The following NKAIN2 variants were observed in gnomAD, a reference collection of about 807,000 sequenced individuals.
The protein encoded by NKAIN2 is sodium/potassium-transporting ATPase subunit beta-1-interacting protein 2.
A neutral mutation model predicts 32.6 loss-of-function variants in NKAIN2; 14 were observed. The ratio of observed to expected loss-of-function variants is 0.43; its 90% CI spans 0.28 to 0.67. NKAIN2 has a LOEUF of 0.67. Among genes scored for constraint, NKAIN2 ranks in the 30% least tolerant of loss-of-function variants. NKAIN2 has a pLI of 0.17. For synonymous variants in NKAIN2, 80 were observed against 87.2 expected, an observed-to-expected ratio of 0.92 and a Z score of 0.46; for missense variants, 198 against 258.3, an observed-to-expected ratio of 0.77 and a Z score of 1.60.
chr6:124,668,356 C>T (rs1583613869), intron 4 of NKAIN2, among the ~76,000 whole-genome samples: 3 of 152,000 alleles, frequency 2.0e-5, no homozygotes, highest in South Asian at 4.1e-4. Flanking sequence ...ATGAGTTATT[C>T]CATTCTCCTT....
intron 3 of NKAIN2, among the ~76,000 whole-genome samples, chr6:124,360,382 CAG>C (rs1297913937): frequency 1.3e-5 from 2 of 152,002 alleles, no homozygotes; most frequent in African/African-American, 4.8e-5. Context: ...ATGAGTGAAA[CAG>C]AAATTATAGT....
At chr6:124,205,915 T>C (rs1790855746) in intron 1 of NKAIN2, among the ~76,000 whole-genome samples, 1 of 152,066 alleles carries the variant, frequency 6.6e-6, no homozygotes, top group South Asian at 2.1e-4. Context: ...TTATCCGTAA[T>C]ATACCTTAGT....
In NKAIN2 at chr6:123,984,068, C is replaced by T. The variant is rs563642676; in HGVS notation, c.54+179814C>T. ...GGTTACAGGCATGTGCCACCACACCCGGCTAATTTTGTATTTTTAGTAGAG... is the reference window on the plus strand; with the variant it reads ...GGTTACAGGCATGTGCCACCACACCTGGCTAATTTTGTATTTTTAGTAGAG... On this transcript the variant is annotated intron_variant, in intron 1 of 6. Transcript: ENST00000368417. 1.1e-4 allele frequency among the ~76,000 whole-genome samples: 17 copies of T among 152,124 alleles called. No individual in the cohort carries two copies. The South Asian group carries it at 3.1e-3, about 28-fold the overall frequency.
intron 4 of NKAIN2, among the ~76,000 whole-genome samples, chr6:124,761,800 T>C (rs76543758): frequency 9.1e-4 from 138 of 152,302 alleles, no homozygotes; most frequent in African/African-American, 3.1e-3. Flanking sequence ...GAAAAACTTA[T>C]ATTAATAACC....
chr6:123,865,384 TA>T (rs1775942455), intron 1 of NKAIN2, among the ~76,000 whole-genome samples: 1 of 152,148 alleles, frequency 6.6e-6, no homozygotes, highest in Non-Finnish European at 1.5e-5. Flanking sequence ...AGTCTTGATG[TA>T]AAGACAACTC....
chr6:123,970,364 T>TA, intron 1 of NKAIN2, among the ~76,000 whole-genome samples: 1 of 152,062 alleles, frequency 6.6e-6, no homozygotes, highest in Non-Finnish European at 1.5e-5. Context: ...TCACTGAAAA[T>TA]AAATTTAAAG....
intron 1 of NKAIN2, among the ~76,000 whole-genome samples, chr6:124,202,022 A>G (rs1182577668): frequency 6.6e-6 from 1 of 151,942 alleles, no homozygotes; most frequent in Non-Finnish European, 1.5e-5. Flanking sequence ...TTCTCAGACT[A>G]CCTGTAAAAG....
At chr6:124,428,313 C>T (rs571574266) in intron 3 of NKAIN2, among the ~76,000 whole-genome samples, 9 of 152,104 alleles carry the variant, frequency 5.9e-5, no homozygotes, top group Non-Finnish European at 1.3e-4. Context: ...TGTTTCACCC[C>T]AACCCCAGAT....
At chr6:124,411,489 T>G (rs1312957569) in intron 3 of NKAIN2, among the ~76,000 whole-genome samples, 2 of 152,236 alleles carry the variant, frequency 1.3e-5, no homozygotes, top group East Asian at 3.9e-4. Flanking sequence ...TTCTTTTCTT[T>G]AAGAATGCTG....
chr6:124,492,268 G>A (rs1202140977), intron 3 of NKAIN2, among the ~76,000 whole-genome samples: 1 of 151,838 alleles, frequency 6.6e-6, no homozygotes, highest in Non-Finnish European at 1.5e-5. Context: ...AGAAAATTTT[G>A]TGTTGATACT....
chr6:124,714,441 A>C (rs1440123895), intron 4 of NKAIN2, among the ~76,000 whole-genome samples: 1 of 152,228 alleles, frequency 6.6e-6, no homozygotes, highest in Non-Finnish European at 1.5e-5. Context: ...AATCCACTTC[A>C]TGCTTGGAGC....
chr6:124,515,886 C>A, intron 3 of NKAIN2, among the ~76,000 whole-genome samples: 1 of 152,156 alleles, frequency 6.6e-6, no homozygotes, highest in East Asian at 1.9e-4. Flanking sequence ...ATCTGATAAC[C>A]TCCTTCTACC....
intron 1 of NKAIN2, among the ~76,000 whole-genome samples, chr6:123,973,997 CA>C (rs1398999891): frequency 6.6e-6 from 1 of 151,956 alleles, no homozygotes; most frequent in African/African-American, 2.4e-5. Flanking sequence ...GGCTCAAAGA[CA>C]CGAAACTTTT....
chr6:124,298,548 C>G (rs544010215), intron 2 of NKAIN2, among the ~76,000 whole-genome samples: 1 of 152,284 alleles, frequency 6.6e-6, no homozygotes, highest in African/African-American at 2.4e-5. Context: ...TACCTGTCAA[C>G]AGCTCTATTT....
intron 3 of NKAIN2, among the ~76,000 whole-genome samples, chr6:124,476,567 A>G (rs1487823638): frequency 6.6e-6 from 1 of 152,204 alleles, no homozygotes; most frequent in Non-Finnish European, 1.5e-5. Flanking sequence ...TTAGAAACCA[A>G]TTAAATCTAG....
intron 1 of NKAIN2, among the ~76,000 whole-genome samples, chr6:124,208,367 T>G: frequency 6.6e-6 from 1 of 151,996 alleles, no homozygotes; most frequent in African/African-American, 2.4e-5. Context: ...TAAGCTGTAT[T>G]ATCAAACATA....
intron 1 of NKAIN2, among the ~76,000 whole-genome samples, chr6:124,076,595 G>T (rs1452185599): frequency 2.0e-5 from 3 of 152,186 alleles, no homozygotes; most frequent in Admixed American, 2.0e-4. Flanking sequence ...ACAGATCATT[G>T]ATTCCAGTTG....
rs555489491 is a variant in NKAIN2 at position 124,540,001 on chromosome 6, G to A, written c.274-118185G>A. Among the ~76,000 whole-genome samples the A allele has an allele frequency of 1.5e-4, 23 of 152,320 alleles. No homozygotes were observed. In the East Asian group the frequency reaches 4.4e-3, roughly 29 times the overall value. ...CTCCCAAAGTGCTAGGATTATAGGC[G>A]TGAGCCACCACGCCCAGCCAAAGAT... On this transcript the variant is annotated intron_variant, in intron 3 of 6. Transcript: ENST00000368417.
chr6:124,239,658 T>C (rs1458071497), intron 1 of NKAIN2, among the ~76,000 whole-genome samples: 3 of 151,968 alleles, frequency 2.0e-5, no homozygotes, highest in African/African-American at 7.2e-5. Context: ...GGGTAAATAA[T>C]GAAATTAAGG....
Sources: allele counts gnomAD v4.1 joint callset (sites outside exome capture counted in the v4.1 genomes callset), GRCh38; gene constraint gnomAD v4.1.1; transcripts MANE v1.5; gene names NCBI Gene and HGNC (gene_info 2026-07-23, HGNC 2026-07-21).